BEAN1: variants seen among roughly 807,000 people sequenced by gnomAD.
BEAN1 encodes protein BEAN1.
BEAN1 carries 17 observed loss-of-function variants against 17.7 expected under a neutral mutation model. That is an observed-to-expected ratio of 0.96 (90% CI 0.66 to 1.44). The LOEUF is 1.44. Among genes scored for constraint, BEAN1 ranks in the 40% most tolerant of loss-of-function variants. The pLI, the probability that BEAN1 is intolerant of heterozygous loss-of-function variation, is 0.00. For synonymous variants in BEAN1, 142 were observed against 151.8 expected (o/e 0.94, Z 0.47); for missense variants, 359 against 374.1 (o/e 0.96, Z 0.33).
intron 1 of BEAN1, among the ~76,000 whole-genome samples, chr16:66,435,522 C>G (rs1053610299): frequency 6.6e-6 from 1 of 152,214 alleles, no homozygotes; most frequent in Non-Finnish European, 1.5e-5. Context: ...AAGTCTCACT[C>G]TGTCACCCAG....
At chr16:66,490,128 C>G (rs55884762) in intron 4 of BEAN1, among the ~76,000 whole-genome samples, 31 of 146,734 alleles carry the variant, frequency 2.1e-4, no homozygotes, top group Non-Finnish European at 3.7e-4. Context: ...TGCCTGTAAT[C>G]TCAGCACTTT....
chr16:66,477,538 G>T, intron 3 of BEAN1, 22 bp from the exon 4 acceptor site: 1 of 1,517,760 alleles, frequency 6.6e-7, no homozygotes, highest in Middle Eastern at 1.7e-4. Context: ...TGAGGCCCAG[G>T]CCGGTGGTCT....
intron 3 of BEAN1, among the ~76,000 whole-genome samples, chr16:66,474,637 G>GGAGGGAGGGAGGGAGA (rs1567505378): frequency 1.8e-5 from 1 of 56,380 alleles, no homozygotes; most frequent in Non-Finnish European, 3.5e-5. Flanking sequence ...AGGGAGGGAG[G>GGAGGGAGGGAGGGAGA]GAGGGAGGGA....
In BEAN1 at chr16:66,480,624, A is replaced by G. The variant is rs1187741170; in HGVS notation, c.479A>G (p.Tyr160Cys). 10 of 1,549,548 alleles carry G rather than the reference A, an allele frequency of 6.5e-6. No homozygotes were observed. Among genetic ancestry groups the G allele is most frequent in the Non-Finnish European group, 8.7e-6 (10 of 1,145,660 alleles). Reference protein sequence around the residue: ...ECVGPGATQLYVPTDAPPPYS... With the variant: ...ECVGPGATQLCVPTDAPPPYS... ...GTGGGGCCAGGGGCCACTCAGCTGT[A>G]TGTCCCCACGGACGCACCACCACCC... The change falls in exon 5 of 5, where the codon TAT becomes TGT. Residue 160 changes from tyrosine (Y) to cysteine (C), a missense_variant. Tyr to Cys is a radical substitution (Grantham distance 194, BLOSUM62 -2). Coordinates refer to ENST00000536005, the MANE Select transcript of BEAN1 (RefSeq NM_001178020.3).
At chr16:66,458,254 G>T (rs1265951843) in intron 2 of BEAN1, among the ~76,000 whole-genome samples, 1 of 152,166 alleles carries the variant, frequency 6.6e-6, no homozygotes, top group African/African-American at 2.4e-5. Context: ...AACCCAGACA[G>T]AATGACTGTG....
Position 66,482,502 on chromosome 16 carries a change from T to G in BEAN1, c.*1577T>G. ...GCCTCCTGGAGCCCCAGACTCCATC[T>G]GGGGGAGGGACTTGTTTACAAGCAG... On this transcript the variant is annotated 3_prime_UTR_variant, in exon 5 of 5. Transcript: ENST00000536005. The G allele has an allele frequency of 5.2e-6, 1 of 193,234 alleles. No individual in the cohort carries two copies. Among genetic ancestry groups the G allele is most frequent in the Non-Finnish European group, 1.1e-5 (1 of 92,610 alleles). The allele number at this position is 193,234 out of a possible 1,614,324, so 12.0% of individuals were successfully genotyped here. A position where few individuals can be genotyped will look rare whatever the true frequency, so the allele number is the denominator to read the frequency against.
At chr16:66,467,248 G>A (rs544401709) in intron 2 of BEAN1, among the ~76,000 whole-genome samples, 32 of 152,324 alleles carry the variant, frequency 2.1e-4, no homozygotes, top group African/African-American at 7.7e-4. Context: ...CAACAGGGCA[G>A]ATTAGCATCT....
intron 4 of BEAN1, 59 bp downstream of exon 4, chr16:66,477,769 C>G: frequency 7.0e-7 from 1 of 1,430,404 alleles, no homozygotes; most frequent in Non-Finnish European, 9.3e-7. Flanking sequence ...CACAAAGACC[C>G]CCCAACTCCA....
chr16:66,437,670 G>A lies in BEAN1; in HGVS notation c.-7G>A, dbSNP rs985991664. On this transcript the variant is annotated 5_prime_UTR_variant, in exon 2 of 5. Coordinates refer to ENST00000536005, the MANE Select transcript of BEAN1 (RefSeq NM_001178020.3). The stretch of plus-strand genomic sequence containing the variant: ...GGCTGGCTCCGCTGTTCTGCTCCAA[G>A]GATTACATGTCCTTCAAACGTCCCT... 1 of 1,536,028 alleles carries A rather than the reference G, an allele frequency of 6.5e-7. No individual in the cohort carries two copies.
In BEAN1 at chr16:66,480,529, G is replaced by A. The variant is rs1487816508; in HGVS notation, c.441-57G>A. On this transcript the variant is annotated intron_variant, in intron 4 of 4. Coordinates refer to ENST00000536005, the MANE Select transcript of BEAN1 (RefSeq NM_001178020.3). ...CTGCAGATAGACCCCCAGGCCTTTG[G>A]GAGAGACCCAGCCCTAAGGCCTAGG... 5 of 1,378,126 alleles carry A rather than the reference G, an allele frequency of 3.6e-6. No homozygotes were observed. In the African/African-American group the frequency reaches 7.3e-5, roughly 20 times the overall value. The allele number at this position is 1,378,126 out of a possible 1,614,324, so 85.4% of individuals were successfully genotyped here. A position where few individuals can be genotyped will look rare whatever the true frequency, so the allele number is the denominator to read the frequency against.
chr16:66,461,136 A>G (rs1165494490), intron 2 of BEAN1, among the ~76,000 whole-genome samples: 2 of 149,106 alleles, frequency 1.3e-5, no homozygotes, highest in African/African-American at 5.0e-5. Context: ...GGAAGGAGGC[A>G]AAGCTTGTTT....
intron 2 of BEAN1, among the ~76,000 whole-genome samples, chr16:66,442,009 G>A (rs1169800032): frequency 6.6e-6 from 1 of 152,220 alleles, no homozygotes; most frequent in Non-Finnish European, 1.5e-5. Context: ...GACCAAGGCA[G>A]AGGAAGGAGG....
intron 2 of BEAN1, among the ~76,000 whole-genome samples, chr16:66,443,947 A>C (rs750536979): frequency 2.6e-5 from 4 of 152,180 alleles, no homozygotes; most frequent in Admixed American, 6.5e-5. Flanking sequence ...AAGTGCTGGG[A>C]TTACAGGCAT....
chr16:66,493,067 T>C (rs1329386054), exon 5 of BEAN1: 3 of 702,896 alleles, frequency 4.3e-6, no homozygotes, highest in Non-Finnish European at 7.8e-6. Flanking sequence ...GGAGTCTGAG[T>C]TCTCACTGGT....
intron 2 of BEAN1, among the ~76,000 whole-genome samples, chr16:66,445,348 C>T (rs531396563): frequency 1.3e-4 from 19 of 151,500 alleles, no homozygotes; most frequent in African/African-American, 4.1e-4. Flanking sequence ...TGGTGGTGGG[C>T]GCCTGTAGTC....
At chr16:66,441,731 G>A (rs982823362) in intron 2 of BEAN1, among the ~76,000 whole-genome samples, 10 of 152,194 alleles carry the variant, frequency 6.6e-5, no homozygotes, top group Admixed American at 4.6e-4. Flanking sequence ...GTGGCAAGGT[G>A]AGCGGCACCA....
chr16:66,461,765 T>C lies in BEAN1; in HGVS notation c.26-7837T>C, dbSNP rs12447736. On this transcript the variant is annotated intron_variant, in intron 2 of 4. Transcript: ENST00000536005. Reference sequence around the variant, plus strand: ...CAGAGCCCCATCGGGGACAAGACTCTTGGAGCCAGCCCACTATTCTACAGA... The same window carrying C: ...CAGAGCCCCATCGGGGACAAGACTCCTGGAGCCAGCCCACTATTCTACAGA... Among the ~76,000 whole-genome samples the C allele has an allele frequency of 9.3e-3, 1,415 of 152,230 alleles. 6 individuals are homozygous for C. Among genetic ancestry groups the C allele is most frequent in the Non-Finnish European group, 0.014 (963 of 68,002 alleles).
chr16:66,464,832 A>G (rs1405108729), intron 2 of BEAN1, among the ~76,000 whole-genome samples: 1 of 152,170 alleles, frequency 6.6e-6, no homozygotes, highest in Non-Finnish European at 1.5e-5. Context: ...ATACAAGATT[A>G]TGTCATCTGC....
intron 4 of BEAN1, among the ~76,000 whole-genome samples, chr16:66,478,517 G>A (rs1457761352): frequency 3.3e-5 from 5 of 152,146 alleles, no homozygotes; most frequent in Admixed American, 2.0e-4. Context: ...CAGGAGAATC[G>A]CTTGAACCCG....
Sources: allele counts gnomAD v4.1 joint callset (sites outside exome capture counted in the v4.1 genomes callset), GRCh38; gene constraint gnomAD v4.1.1; transcripts MANE v1.5; gene names NCBI Gene and HGNC (gene_info 2026-07-23, HGNC 2026-07-21).